ARPP21: variants seen among roughly 807,000 people sequenced by gnomAD.
ARPP21 encodes cAMP-regulated phosphoprotein 21.
A neutral mutation model predicts 113.2 loss-of-function variants in ARPP21; 69 were observed. The observed-to-expected ratio is 0.61, with a 90% confidence interval of 0.50 to 0.74. The LOEUF (loss-of-function observed/expected upper bound fraction) is 0.74, where lower values mean the gene tolerates loss of function less well. ARPP21 is among the 30% of genes least tolerant of loss of function. The pLI, the probability that ARPP21 is intolerant of heterozygous loss-of-function variation, is 0.00. For synonymous variants in ARPP21, 368 were observed against 375.5 expected (o/e 0.98, Z 0.23); for missense variants, 1,070 against 1,037.4 (o/e 1.03, Z -0.43).
rs1279705862 is a variant in ARPP21 at position 35,789,524 on chromosome 3, GGTAGA to G, written c.2138-2854_2138-2850del. 7.2e-5 allele frequency among the ~76,000 whole-genome samples: 11 copies of G among 152,296 alleles called. No homozygotes were observed. In the East Asian group the frequency reaches 1.5e-3, roughly 21 times the overall value. Reference sequence around the variant, plus strand: ...TACACTAAAGTTTTCATTTTGAAATGGTAGAGTATTCACTCCCCACATAAATCTGT... The same window carrying G: ...TACACTAAAGTTTTCATTTTGAAATGGTATTCACTCCCCACATAAATCTGT... On this transcript the variant is annotated intron_variant, in intron 19 of 20. Transcript: ENST00000684406.
At chr3:35,792,624 G>T (rs1243343859) in intron 20 of ARPP21, 94 bp downstream of exon 20, 7 of 1,083,250 alleles carry the variant, frequency 6.5e-6, no homozygotes, top group Non-Finnish European at 9.9e-6. Context: ...TGGCTGGCTG[G>T]GTAATGCGTG....
At chr3:35,781,743 T>C (rs1179215698) in intron 19 of ARPP21, 1 of 152,170 alleles carries the variant, frequency 6.6e-6, no homozygotes, top group Admixed American at 6.6e-5. Flanking sequence ...ATCTTTACTT[T>C]GGGTAAATCA....
Position 35,792,486 on chromosome 3 carries a change from G to T in ARPP21, c.2242G>T (p.Val748Leu), listed in dbSNP as rs775615764. ...GATAAATAACCAACAAGGAACTCCG[G>T]TGCAAAGCGTGATGGTTTCCTACCC... ...NVINNQQGTP[V>L]QSVMVSYPTM... Residue 748 changes from valine (V) to leucine (L), a missense_variant, in exon 20 of 21, where the codon GTG (valine) becomes TTG (leucine). Val to Leu is a conservative substitution (Grantham distance 32). Coordinates refer to ENST00000684406, the MANE Select transcript of ARPP21 (RefSeq NM_001385562.1). The T allele has an allele frequency of 3.1e-6, 5 of 1,614,090 alleles. No individual in the cohort carries two copies. Among genetic ancestry groups the T allele is most frequent in the Admixed American group, 1.7e-5 (1 of 60,016 alleles).
At chr3:35,721,284 T>C (rs1172115751) in intron 13 of ARPP21, among the ~76,000 whole-genome samples, 2 of 152,242 alleles carry the variant, frequency 1.3e-5, no homozygotes, top group Non-Finnish European at 2.9e-5. Flanking sequence ...GTTATCCCCC[T>C]ATTCTATTTG....
chr3:35,736,711 G>A (rs2094374587), intron 15 of ARPP21, among the ~76,000 whole-genome samples: 2 of 152,294 alleles, frequency 1.3e-5, no homozygotes, highest in Admixed American at 6.5e-5. Flanking sequence ...CTGAATTGGT[G>A]ACAAGGCTTA....
intron 19 of ARPP21, among the ~76,000 whole-genome samples, chr3:35,761,852 A>G (rs2095790459): frequency 1.3e-5 from 2 of 152,080 alleles, no homozygotes; most frequent in South Asian, 4.1e-4. Flanking sequence ...GTAGCCAGGC[A>G]GTTATTTATT....
chr3:35,660,108 G>A (rs1475673997), intron 1 of ARPP21, among the ~76,000 whole-genome samples: 1 of 152,168 alleles, frequency 6.6e-6, no homozygotes, highest in Admixed American at 6.5e-5. Context: ...TTTGGACCTT[G>A]ACTTCTTTCC....
intron 11 of ARPP21, among the ~76,000 whole-genome samples, chr3:35,712,514 CTGTGTGTGTGTGTG>C (rs10579469): frequency 0.025 from 3,369 of 132,928 alleles, 65 homozygotes; most frequent in Non-Finnish European, 0.035. Flanking sequence ...TCTAAGGTGT[CTGTGTGTGTGTGTG>C]TGTGTGTGTG....
intron 1 of ARPP21, among the ~76,000 whole-genome samples, chr3:35,644,937 A>G (rs1304826602): frequency 1.3e-5 from 2 of 151,916 alleles, no homozygotes; most frequent in Non-Finnish European, 2.9e-5. Context: ...GGTTTAGAAG[A>G]TTTTTGTATA....
intron 1 of ARPP21, among the ~76,000 whole-genome samples, chr3:35,676,786 C>CT (rs1354419227): frequency 1.3e-5 from 2 of 151,792 alleles, no homozygotes; most frequent in East Asian, 1.9e-4. Flanking sequence ...ATCCCAATGA[C>CT]TTTTTTTTAC....
chr3:35,786,929 T>G (rs1308156224), intron 19 of ARPP21, among the ~76,000 whole-genome samples: 1 of 152,168 alleles, frequency 6.6e-6, no homozygotes, highest in African/African-American at 2.4e-5. Context: ...TACTAAAATA[T>G]CAAGCTGTGT....
chr3:35,715,468 G>T lies in ARPP21; in HGVS notation c.927G>T (p.Val309=), dbSNP rs767758004. Residue 309 remains valine (V), a synonymous_variant, in exon 12 of 21, where the codon GTG becomes GTT. Transcript: ENST00000684406. Reference sequence around the variant, plus strand: ...TTTGCTCCCAGGAAAGCCTTTTTGTGGAAAACAGGTAAAATAAAATTTACT... The same window carrying T: ...TTTGCTCCCAGGAAAGCCTTTTTGTTGAAAACAGGTAAAATAAAATTTACT... ...DSVCSQESLF[V]ENSRLLEDSN... The T allele has an allele frequency of 3.7e-6, 6 of 1,612,210 alleles. No individual in the cohort carries two copies. In the African/African-American group the frequency reaches 8.0e-5, roughly 22 times the overall value.
At chr3:35,730,681 T>A (rs1193512018) in intron 15 of ARPP21, among the ~76,000 whole-genome samples, 1 of 152,186 alleles carries the variant, frequency 6.6e-6, no homozygotes, top group East Asian at 1.9e-4. Flanking sequence ...AATGCAAAAC[T>A]GGATAAGTAT....
At chr3:35,683,405 T>G (rs1010372093) in intron 4 of ARPP21, among the ~76,000 whole-genome samples, 5 of 151,790 alleles carry the variant, frequency 3.3e-5, no homozygotes, top group African/African-American at 1.2e-4. Context: ...AAAAATTAAT[T>G]TTATCACTTT....
At chr3:35,748,371 G>GGAAA (rs1384810994) in intron 19 of ARPP21, among the ~76,000 whole-genome samples, 2 of 128,184 alleles carry the variant, frequency 1.6e-5, no homozygotes, top group African/African-American at 5.9e-5. Context: ...AGAAAGAAAA[G>GGAAA]GAAAGAAAGA....
Position 35,690,133 on chromosome 3 carries a change from G to C in ARPP21, c.538G>C (p.Asp180His). Residue 180 changes from aspartate (D) to histidine (H), a missense_variant, in exon 8 of 21, where the codon GAC (aspartate) becomes CAC (histidine). By Grantham distance (81) the Asp-to-His change is moderately conservative. Transcript: ENST00000684406. Reference protein sequence around the residue: ...MEQEIIDFIADNNNHYKKFPQ... With the variant: ...MEQEIIDFIAHNNNHYKKFPQ... ...GCAGGAAATTATTGATTTCATTGCT[G>C]ACAACAAGTATGTTAAACTTCAATG... The C allele has an allele frequency of 6.9e-7, 1 of 1,450,140 alleles. No individual in the cohort carries two copies. 89.8% of individuals were successfully genotyped at this position (1,450,140 alleles called of 1,614,324 possible). A position where few individuals can be genotyped will look rare whatever the true frequency, so the allele number is the denominator to read the frequency against.
At chr3:35,779,524 C>T (rs959083641) in intron 19 of ARPP21, among the ~76,000 whole-genome samples, 17 of 151,800 alleles carry the variant, frequency 1.1e-4, no homozygotes, top group African/African-American at 4.1e-4. Flanking sequence ...GTTTCTTGTG[C>T]CAGGATATCA....
chr3:35,672,783 G>A (rs1479762741), intron 1 of ARPP21, among the ~76,000 whole-genome samples: 4 of 152,014 alleles, frequency 2.6e-5, no homozygotes, highest in South Asian at 2.1e-4. Context: ...GTGATTGAAC[G>A]AGCCATCAGC....
chr3:35,682,874 A>G lies in ARPP21; in HGVS notation c.156A>G (p.Glu52=), dbSNP rs1255518770. The G allele has an allele frequency of 6.2e-7, 1 of 1,609,766 alleles. No homozygotes were observed. The highest frequency in any genetic ancestry group is 1.3e-5 in the African/African-American group (1 of 74,556). Residue 52 remains glutamate (E), a synonymous_variant, in exon 4 of 21, where the codon GAA becomes GAG. Transcript: ENST00000684406. ...LQRRLEAQNQ[E]RRKSKSGAGK... ...GGCGGCTGGAGGCTCAGAATCAAGA[A>G]AGAAGAAAATCCAAGGTAGGGTTCT...
Sources: allele counts gnomAD v4.1 joint callset (sites outside exome capture counted in the v4.1 genomes callset), GRCh38; gene constraint gnomAD v4.1.1; transcripts MANE v1.5; gene names NCBI Gene and HGNC (gene_info 2026-07-23, HGNC 2026-07-21).